EYS: variants seen among roughly 807,000 people sequenced by gnomAD.
The protein encoded by EYS is protein eyes shut homolog.
Under a neutral mutation model 282.1 loss-of-function variants are expected in EYS, and 250 were observed. The observed-to-expected ratio is 0.89, with a 90% CI of 0.80 to 0.98. The LOEUF (loss-of-function observed/expected upper bound fraction) is 0.98, where lower values mean the gene tolerates loss of function less well. Among genes scored for constraint, EYS ranks in the 50% least tolerant of loss-of-function variants. The pLI, the probability that EYS is intolerant of heterozygous loss-of-function variation, is 0.00. For synonymous variants in EYS, 1,355 were observed against 1,282.9 expected, an observed-to-expected ratio of 1.06 and a Z score of -1.20; for missense variants, 4,016 against 3,709.0, an observed-to-expected ratio of 1.08 and a Z score of -2.15.
At chr6:63,727,114 T>G (rs558026472) in intron 41 of EYS, among the ~76,000 whole-genome samples, 1 of 152,196 alleles carries the variant, frequency 6.6e-6, no homozygotes, top group African/African-American at 2.4e-5. Flanking sequence ...AAATACAGAG[T>G]ATAATTGAGT....
At chr6:64,837,705 C>A (rs1360968662) in intron 19 of EYS, among the ~76,000 whole-genome samples, 2 of 136,158 alleles carry the variant, frequency 1.5e-5, no homozygotes, top group Non-Finnish European at 3.1e-5. Context: ...ATATGTATAT[C>A]CTAAAGAGTC....
chr6:65,410,546 T>TCCTTC (rs576025852), intron 5 of EYS, among the ~76,000 whole-genome samples: 141 of 151,600 alleles, frequency 9.3e-4, no homozygotes, highest in Non-Finnish European at 1.7e-3. Context: ...TTTTCCCTCT[T>TCCTTC]CCTTCCCCTC....
chr6:64,389,333 T>C (rs975689217), intron 28 of EYS, among the ~76,000 whole-genome samples: 1 of 152,170 alleles, frequency 6.6e-6, no homozygotes, highest in Non-Finnish European at 1.5e-5. Context: ...ATAAATCAAA[T>C]ATAACTTAAT....
chr6:65,034,932 T>C (rs1772720585), intron 13 of EYS, among the ~76,000 whole-genome samples: 1 of 151,992 alleles, frequency 6.6e-6, no homozygotes, highest in African/African-American at 2.4e-5. Flanking sequence ...TAGACCGATA[T>C]CTCTGAATAA....
At chr6:64,649,637 C>T (rs1253623745) in intron 22 of EYS, among the ~76,000 whole-genome samples, 1 of 152,166 alleles carries the variant, frequency 6.6e-6, no homozygotes, top group Non-Finnish European at 1.5e-5. Context: ...CACGCCCAGC[C>T]AACTGCTTTC....
chr6:64,269,995 A>G (rs1334982033), intron 30 of EYS, among the ~76,000 whole-genome samples: 1 of 152,160 alleles, frequency 6.6e-6, no homozygotes, highest in Non-Finnish European at 1.5e-5. Flanking sequence ...CTGAATATCA[A>G]CATACTTTAA....
chr6:65,152,196 A>T (rs1764626805), intron 12 of EYS, among the ~76,000 whole-genome samples: 2 of 152,080 alleles, frequency 1.3e-5, no homozygotes, highest in South Asian at 4.1e-4. Flanking sequence ...GTTGCTAAGA[A>T]ATAAAATTGG....
Position 64,278,732 on chromosome 6 carries a change from CTCTCTCTT to C in EYS, c.6191+28230_6191+28237del, listed in dbSNP as rs1159483707. The stretch of plus-strand genomic sequence containing the variant: ...TCAGCCAAAAACTCTCTCTCTCTCT[CTCTCTCTT>C]TCTCTCTTTCTCTCTGTCTCTCCTC... On this transcript the variant is annotated intron_variant, in intron 30 of 42. Transcript: ENST00000503581. Among the ~76,000 whole-genome samples, 30 of 152,138 alleles carry C rather than the reference CTCTCTCTT, an allele frequency of 2.0e-4. No homozygotes were observed. The East Asian group carries it at 3.3e-3, about 17-fold the overall frequency.
chr6:65,618,159 A>C (rs527521302), intron 2 of EYS, among the ~76,000 whole-genome samples: 366 of 152,298 alleles, frequency 2.4e-3, no homozygotes, highest in African/African-American at 8.7e-3. Flanking sequence ...ACTAGTTTAC[A>C]GTCCCACCAA....
At chr6:65,688,419 T>A (rs1327802304) in intron 1 of EYS, among the ~76,000 whole-genome samples, 2 of 152,150 alleles carry the variant, frequency 1.3e-5, no homozygotes, top group Non-Finnish European at 2.9e-5. Flanking sequence ...TTACACCTTA[T>A]ACAAAAATTA....
intron 1 of EYS, among the ~76,000 whole-genome samples, chr6:65,679,219 C>T (rs1238017443): frequency 7.0e-6 from 1 of 142,694 alleles, no homozygotes; most frequent in Admixed American, 6.8e-5. Context: ...GCTCACTGCA[C>T]CTTTATTCAC....
chr6:64,423,923 A>G (rs1295104791), intron 28 of EYS, among the ~76,000 whole-genome samples: 1 of 152,218 alleles, frequency 6.6e-6, no homozygotes, highest in Non-Finnish European at 1.5e-5. Context: ...TATGAACACA[A>G]TCACTTTTGA....
At chr6:65,172,871 T>C (rs1349472249) in intron 12 of EYS, among the ~76,000 whole-genome samples, 3 of 150,958 alleles carry the variant, frequency 2.0e-5, no homozygotes, top group African/African-American at 7.3e-5. Context: ...ATAGAAGACA[T>C]AGTATGCTTG....
chr6:63,741,797 C>G (rs1769081746), intron 41 of EYS: 1 of 618,800 alleles, frequency 1.6e-6, no homozygotes, highest in Admixed American at 2.2e-5. Flanking sequence ...AACATTTCAC[C>G]TAATTCTAAG....
intron 5 of EYS, among the ~76,000 whole-genome samples, chr6:65,442,968 A>G (rs574748137): frequency 6.6e-6 from 1 of 151,830 alleles, no homozygotes; most frequent in East Asian, 1.9e-4. Context: ...ATATGTACAT[A>G]TATGTATATA....
chr6:64,030,282 A>G (rs916818656), intron 33 of EYS, among the ~76,000 whole-genome samples: 1 of 152,184 alleles, frequency 6.6e-6, no homozygotes, highest in African/African-American at 2.4e-5. Flanking sequence ...GGAAGTAGTA[A>G]AGAAAAAACA....
At chr6:63,877,868 A>G (rs937720660) in intron 35 of EYS, among the ~76,000 whole-genome samples, 2 of 152,142 alleles carry the variant, frequency 1.3e-5, no homozygotes, top group African/African-American at 4.8e-5. Context: ...TTAGCCATTC[A>G]TCTAACCTTT....
At chr6:64,020,417 T>G (rs1273263164) in intron 33 of EYS, among the ~76,000 whole-genome samples, 2 of 152,146 alleles carry the variant, frequency 1.3e-5, no homozygotes, top group African/African-American at 2.4e-5. Context: ...AACATACACA[T>G]TTGTTTACTT....
Position 64,686,749 on chromosome 6 carries a change from A to ATATATATATATGTG in EYS, c.3444-60505_3444-60504insCACATATATATATA, listed in dbSNP as rs1562133615. Among the ~76,000 whole-genome samples the ATATATATATATGTG allele has an allele frequency of 1.1e-3, 29 of 27,416 alleles. 1 individual carries two copies. Among genetic ancestry groups the ATATATATATATGTG allele is most frequent in the African/African-American group, 2.3e-3 (27 of 11,714 alleles). 18.0% of individuals were successfully genotyped at this position (27,416 alleles called of 152,430 possible). A position where few individuals can be genotyped will look rare whatever the true frequency, so the allele number is the denominator to read the frequency against. ...AGAGCAAGATTCCATCTAAATATAT[A>ATATATATATATGTG]TATATATATATATGTGTGTATATAT... On this transcript the variant is annotated intron_variant, in intron 22 of 42. Coordinates refer to ENST00000503581, the MANE Select transcript of EYS (RefSeq NM_001142800.2).
Sources: allele counts gnomAD v4.1 joint callset (sites outside exome capture counted in the v4.1 genomes callset), GRCh38; gene constraint gnomAD v4.1.1; transcripts MANE v1.5; gene names NCBI Gene and HGNC (gene_info 2026-07-23, HGNC 2026-07-21).